Variants in PDE4B observed in about 807,000 individuals in gnomAD.
PDE4B encodes 3',5'-cyclic-AMP phosphodiesterase 4B.
A neutral mutation model predicts 82.2 loss-of-function variants in PDE4B; 20 were observed. The observed-to-expected ratio is 0.24, with a 90% CI of 0.17 to 0.35. The LOEUF is 0.35. PDE4B is among the 10% of genes least tolerant of loss of function. The probability of loss-of-function intolerance (pLI) is 1.00; values close to 1 mark genes in which losing one functional copy is unlikely to be tolerated. For missense variants in PDE4B, 655 were observed against 907.2 expected (o/e 0.72, Z 3.57); for synonymous variants, 320 against 318.9 (o/e 1.00, Z -0.04).
At chr1:66,229,693 T>G (rs17128579) in intron 3 of PDE4B, among the ~76,000 whole-genome samples, 31,250 of 152,050 alleles carry the variant, frequency 0.21, 6,667 homozygotes, top group African/African-American at 0.53. Context: ...GCCTTCTGTC[T>G]AAATAAACCA....
chr1:66,129,428 C>T (rs189709603), intron 3 of PDE4B, among the ~76,000 whole-genome samples: 3,976 of 151,640 alleles, frequency 0.026, 190 homozygotes, highest in African/African-American at 0.092. Flanking sequence ...GAGGCCGAGG[C>T]GGGCGGATCA....
intron 2 of PDE4B, among the ~76,000 whole-genome samples, chr1:65,918,136 A>G (rs1264979706): frequency 6.6e-6 from 1 of 152,222 alleles, no homozygotes; most frequent in African/African-American, 2.4e-5. Flanking sequence ...CCTGGGTGAC[A>G]GAGCGAGACT....
chr1:66,372,768 G>A lies in PDE4B; in HGVS notation c.*90G>A. The A allele has an allele frequency of 7.2e-7, 1 of 1,389,796 alleles. No individual in the cohort carries two copies. The highest frequency in any genetic ancestry group is 9.8e-7 in the Non-Finnish European group (1 of 1,016,892). 86.1% of individuals were successfully genotyped at this position (1,389,796 alleles called of 1,614,324 possible). On this transcript the variant is annotated 3_prime_UTR_variant, in exon 17 of 17. Transcript: ENST00000341517. ...CAGCCCACCATGGGGGCCAAGACCT[G>A]CACAGGACAAGGGCCACCTGGCCTT...
At chr1:66,318,158 G>A (rs1462759328) in intron 7 of PDE4B, among the ~76,000 whole-genome samples, 3 of 152,116 alleles carry the variant, frequency 2.0e-5, no homozygotes, top group Non-Finnish European at 4.4e-5. Flanking sequence ...GTATAGTGAT[G>A]AATATCAACT....
At chr1:65,797,144 C>T (rs61797026) in intron 1 of PDE4B, among the ~76,000 whole-genome samples, 25 of 150,600 alleles carry the variant, frequency 1.7e-4, no homozygotes, top group African/African-American at 5.1e-4. Flanking sequence ...TTAGTAGAGA[C>T]GGGGTTTCAC....
chr1:65,923,798 C>G (rs932944618), intron 3 of PDE4B, among the ~76,000 whole-genome samples: 3 of 152,062 alleles, frequency 2.0e-5, no homozygotes, highest in Non-Finnish European at 4.4e-5. Context: ...TTTGATGTGC[C>G]TAAGGATGGA....
At chr1:66,009,960 C>T (rs902631877) in intron 3 of PDE4B, among the ~76,000 whole-genome samples, 1 of 148,068 alleles carries the variant, frequency 6.8e-6, no homozygotes, top group Non-Finnish European at 1.5e-5. Context: ...TATCATCTAT[C>T]TATCTAATCT....
intron 7 of PDE4B, among the ~76,000 whole-genome samples, chr1:66,318,983 A>C (rs1303566038): frequency 1.3e-5 from 2 of 152,236 alleles, no homozygotes; most frequent in Non-Finnish European, 2.9e-5. Context: ...ATTTGTAAAA[A>C]TGGAGATAAC....
intron 3 of PDE4B, 85 bp from the exon 4 acceptor site, chr1:66,247,374 AC>A: frequency 2.4e-6 from 2 of 827,286 alleles, no homozygotes; most frequent in Non-Finnish European, 3.8e-6. Context: ...AGTGTATAGT[AC>A]CTGCCACACG....
intron 7 of PDE4B, among the ~76,000 whole-genome samples, chr1:66,286,803 G>A (rs1656708319): frequency 6.6e-6 from 1 of 152,104 alleles, no homozygotes; most frequent in African/African-American, 2.4e-5. Flanking sequence ...ACAAGACTTA[G>A]CCCATGTAAT....
Position 65,817,460 on chromosome 1 carries a change from G to T in PDE4B, c.-71+24212G>T, listed in dbSNP as rs180797228. 7.6e-4 allele frequency among the ~76,000 whole-genome samples: 116 copies of T among 152,258 alleles called. 1 individual carries two copies. The highest frequency in any genetic ancestry group is 3.4e-3 in the Middle Eastern group (1 of 294). ...ACATGTACATGTCAGTACATACATGGCTTGCTGATGGGGTCCCAACTCACT... is the reference window on the plus strand; with the variant it reads ...ACATGTACATGTCAGTACATACATGTCTTGCTGATGGGGTCCCAACTCACT... On this transcript the variant is annotated intron_variant, in intron 1 of 16. Coordinates refer to ENST00000341517, the MANE Select transcript of PDE4B (RefSeq NM_002600.4).
At chr1:66,184,561 C>T (rs1017210772) in intron 3 of PDE4B, among the ~76,000 whole-genome samples, 8 of 152,274 alleles carry the variant, frequency 5.3e-5, no homozygotes, top group Non-Finnish European at 8.8e-5. Context: ...AGTAATTTCT[C>T]TATTTGAGAG....
intron 3 of PDE4B, among the ~76,000 whole-genome samples, chr1:65,976,672 T>A (rs1390851288): frequency 1.3e-5 from 2 of 152,156 alleles, no homozygotes; most frequent in Non-Finnish European, 2.9e-5. Context: ...GTTCTTGTGA[T>A]AGTGAGTGAG....
chr1:66,211,938 C>T (rs1010425140), intron 3 of PDE4B, among the ~76,000 whole-genome samples: 1 of 152,194 alleles, frequency 6.6e-6, no homozygotes, highest in African/African-American at 2.4e-5. Context: ...CCTTGAGACC[C>T]TGAATGCATT....
At chr1:66,291,663 G>T (rs1332596663) in intron 7 of PDE4B, among the ~76,000 whole-genome samples, 2 of 152,130 alleles carry the variant, frequency 1.3e-5, no homozygotes, top group African/African-American at 2.4e-5. Context: ...TATGTTAAGA[G>T]AATTTCCCCT....
intron 4 of PDE4B, 76 bp from the exon 5 acceptor site, chr1:66,257,571 T>C (rs935375168): frequency 3.1e-6 from 4 of 1,296,280 alleles, no homozygotes; most frequent in Non-Finnish European, 4.5e-6. Context: ...ACTGATAAAA[T>C]TTAATATTAT....
chr1:66,295,530 A>G (rs984838025), intron 7 of PDE4B, among the ~76,000 whole-genome samples: 1 of 152,078 alleles, frequency 6.6e-6, no homozygotes, highest in Admixed American at 6.6e-5. Context: ...CCAGGTTCAA[A>G]CAATTCTCCT....
At chr1:65,914,034 C>G (rs1424095969) in intron 2 of PDE4B, among the ~76,000 whole-genome samples, 1 of 152,100 alleles carries the variant, frequency 6.6e-6, no homozygotes, top group Admixed American at 6.5e-5. Flanking sequence ...TTCAATTGAC[C>G]AATCCTTCAT....
intron 3 of PDE4B, among the ~76,000 whole-genome samples, chr1:66,190,122 A>C (rs1647629701): frequency 1.3e-5 from 2 of 152,198 alleles, no homozygotes; most frequent in Admixed American, 1.3e-4. Context: ...TTGCCTGGGT[A>C]TCAGCAGTGG....
Sources: gnomAD v4.1 joint callset for allele counts (sites outside exome capture counted in the v4.1 genomes callset) on GRCh38, gnomAD v4.1.1 for gene constraint, MANE v1.5 for transcripts, NCBI Gene and HGNC (gene_info 2026-07-23, HGNC 2026-07-21) for gene names.